KPNB1: variants seen among roughly 807,000 people sequenced by gnomAD.
KPNB1 encodes importin subunit beta-1.
KPNB1 carries 7 observed loss-of-function variants against 113.0 expected under a neutral mutation model. That is an observed-to-expected ratio of 0.06 (90% CI 0.04 to 0.12). The LOEUF (loss-of-function observed/expected upper bound fraction) is 0.12, where lower values mean the gene tolerates loss of function less well. Ranked by LOEUF, KPNB1 falls within the 10% of genes least tolerant of loss-of-function variation. The pLI, the probability that KPNB1 is intolerant of heterozygous loss-of-function variation, is 1.00. For synonymous variants in KPNB1, 363 were observed against 378.6 expected (o/e 0.96, Z 0.48); for missense variants, 400 against 1,054.8 (o/e 0.38, Z 8.60).
intron 5 of KPNB1, among the ~76,000 whole-genome samples, chr17:47,660,537 G>T (rs976986177): frequency 6.6e-6 from 1 of 152,212 alleles, no homozygotes; most frequent in Non-Finnish European, 1.5e-5. Context: ...TGACACTTCA[G>T]CTGGGTTTTT....
At chr17:47,681,658 T>C (rs1597942948) in intron 21 of KPNB1, among the ~76,000 whole-genome samples, 1 of 147,834 alleles carries the variant, frequency 6.8e-6, no homozygotes, top group Admixed American at 6.7e-5. Flanking sequence ...TCCACCCACC[T>C]CAGCCTCCTA....
rs193043163 is a variant in KPNB1, at chr17:47,672,919, A to G, written c.1548-99A>G. ...TCAAACTCAAACCAGGTCTGCAGACATACCGGTTCCTGAGTTCTTATTTTT... is the reference window on the plus strand; with the variant it reads ...TCAAACTCAAACCAGGTCTGCAGACGTACCGGTTCCTGAGTTCTTATTTTT... On this transcript the variant is annotated intron_variant, in intron 12 of 21. Coordinates refer to ENST00000290158, the MANE Select transcript of KPNB1 (RefSeq NM_002265.6). 1.7e-3 allele frequency: 1,907 copies of G among 1,122,006 alleles called. 4 individuals carry two copies. Among genetic ancestry groups the G allele is most frequent in the Middle Eastern group, 2.5e-3 (11 of 4,392 alleles). 69.5% of individuals were successfully genotyped at this position (1,122,006 alleles called of 1,614,324 possible).
At chr17:47,678,468 G>C in intron 19 of KPNB1, 55 bp downstream of exon 19, 1 of 1,225,806 alleles carries the variant, frequency 8.2e-7, no homozygotes, top group Non-Finnish European at 1.2e-6. Flanking sequence ...ACTTAGCCAA[G>C]TGGGCTATGT....
chr17:47,661,095 T>C, intron 5 of KPNB1, 24 bp from the exon 6 acceptor site: 1 of 1,591,058 alleles, frequency 6.3e-7, no homozygotes, highest in Non-Finnish European at 8.6e-7. Context: ...CTCCTAATTC[T>C]CTTTATTTTT....
At chr17:47,672,955 T>C in intron 12 of KPNB1, 63 bp from the exon 13 acceptor site, 2 of 1,498,340 alleles carry the variant, frequency 1.3e-6, no homozygotes, top group Non-Finnish European at 1.8e-6. Flanking sequence ...GGCAAGACAT[T>C]GTCTATGTTC....
intron 7 of KPNB1, among the ~76,000 whole-genome samples, chr17:47,663,444 A>T (rs1157941119): frequency 6.6e-6 from 1 of 151,680 alleles, no homozygotes; most frequent in Admixed American, 6.6e-5. Context: ...TGGGCAGATC[A>T]CCTGAGGTCA....
intron 20 of KPNB1, among the ~76,000 whole-genome samples, 165 bp from the exon 21 acceptor site, chr17:47,680,343 A>C (rs1238525505): frequency 6.6e-6 from 1 of 152,174 alleles, no homozygotes; most frequent in African/African-American, 2.4e-5. Flanking sequence ...CACCCCATTA[A>C]ACTCTGATGT....
intron 14 of KPNB1, among the ~76,000 whole-genome samples, chr17:47,674,359 C>G (rs1422294208): frequency 6.6e-6 from 1 of 152,156 alleles, no homozygotes; most frequent in Non-Finnish European, 1.5e-5. Flanking sequence ...CGGCTACCAG[C>G]AGGGATTTGT....
chr17:47,679,918 C>G (rs111483518), intron 19 of KPNB1, 102 bp from the exon 20 acceptor site: 1 of 717,638 alleles, frequency 1.4e-6, no homozygotes, highest in African/African-American at 1.7e-5. Flanking sequence ...AGGATGGTCT[C>G]GATCTTCTGA....
At chr17:47,678,559 G>C in intron 19 of KPNB1, 146 bp downstream of exon 19, 1 of 630,704 alleles carries the variant, frequency 1.6e-6, no homozygotes, top group Non-Finnish European at 2.9e-6. Flanking sequence ...CCCTAATGAA[G>C]AGAGTGGCTT....
chr17:47,666,394 T>TTGTGTG (rs140549997), intron 9 of KPNB1, among the ~76,000 whole-genome samples: 7,927 of 139,580 alleles, frequency 0.057, 251 homozygotes, highest in Middle Eastern at 0.14. Flanking sequence ...GTCTTTACTT[T>TTGTGTG]TGTGTGTGTG....
At chr17:47,678,225 T>G (rs1247973115) in intron 18 of KPNB1, 36 bp downstream of exon 18, 9 of 1,610,880 alleles carry the variant, frequency 5.6e-6, no homozygotes, top group Non-Finnish European at 7.6e-6. Flanking sequence ...TCTTTAAGTC[T>G]AGCTCTAATT....
At position 47,661,146 on chromosome 17, in the gene KPNB1, G is replaced by A. The variant is rs1567889630; in HGVS notation, c.664G>A (p.Val222Ile). Residue 222 changes from valine (V) to isoleucine (I), a missense_variant, in exon 6 of 22, where the codon GTC (valine) becomes ATC (isoleucine). Transcript: ENST00000290158. ...TGAAAGGCACTTTATTATGCAGGTG[G>A]TCTGTGAAGCCACACAGTGTCCAGA... ...ESERHFIMQVVCEATQCPDTR... is the reference protein window; with the variant it reads ...ESERHFIMQVICEATQCPDTR... The A allele has an allele frequency of 1.9e-6, 3 of 1,613,534 alleles. No individual in the cohort carries two copies. The highest frequency in any genetic ancestry group is 2.5e-6 in the Non-Finnish European group (3 of 1,179,468).
chr17:47,671,125 C>T (rs1242343291), intron 12 of KPNB1, among the ~76,000 whole-genome samples: 2 of 152,156 alleles, frequency 1.3e-5, no homozygotes, highest in East Asian at 1.9e-4. Flanking sequence ...GGCGTGCTGG[C>T]GCATGCCTGT....
intron 17 of KPNB1, among the ~76,000 whole-genome samples, chr17:47,677,687 G>T (rs2030655751): frequency 6.6e-6 from 1 of 152,174 alleles, no homozygotes; most frequent in Non-Finnish European, 1.5e-5. Flanking sequence ...ACTTATGATG[G>T]AGTTAGGTCC....
chr17:47,651,020 C>G (rs538496292), intron 2 of KPNB1, among the ~76,000 whole-genome samples: 2 of 151,744 alleles, frequency 1.3e-5, no homozygotes, highest in African/African-American at 4.9e-5. Context: ...GGTTATTCCT[C>G]TCTTGGGGTT....
At chr17:47,673,239 A>G (rs1345802763) in intron 13 of KPNB1, 74 bp downstream of exon 13, 7 of 1,397,176 alleles carry the variant, frequency 5.0e-6, no homozygotes, top group Non-Finnish European at 7.0e-6. Flanking sequence ...TGTTTTCCAG[A>G]CTGTTCTGTC....
chr17:47,669,570 G>T, intron 10 of KPNB1, 108 bp from the exon 11 acceptor site: 2 of 714,304 alleles, frequency 2.8e-6, no homozygotes, highest in Non-Finnish European at 4.8e-6. Context: ...GAAGTATCTT[G>T]GTGACTTTTT....
In KPNB1 at chr17:47,684,670, A is replaced by G. The variant is rs761766586; in HGVS notation, c.*2266A>G. The G allele has an allele frequency of 2.6e-5, 4 of 152,000 alleles. No homozygotes were observed. Among genetic ancestry groups the G allele is most frequent in the Non-Finnish European group, 5.9e-5 (4 of 67,934 alleles). 9.4% of individuals were successfully genotyped at this position (152,000 alleles called of 1,614,324 possible). A position where few individuals can be genotyped will look rare whatever the true frequency, so the allele number is the denominator to read the frequency against. On this transcript the variant is annotated 3_prime_UTR_variant, in exon 22 of 22. Coordinates refer to ENST00000290158, the MANE Select transcript of KPNB1 (RefSeq NM_002265.6). ...GTACACCGAGAACCATAATGAAAAAACCTTCCGTGTGTTTTGTCATGTTTT... is the reference window on the plus strand; with the variant it reads ...GTACACCGAGAACCATAATGAAAAAGCCTTCCGTGTGTTTTGTCATGTTTT...
Sources: gnomAD v4.1 joint callset for allele counts (sites outside exome capture counted in the v4.1 genomes callset) on GRCh38, gnomAD v4.1.1 for gene constraint, MANE v1.5 for transcripts, NCBI Gene and HGNC (gene_info 2026-07-23, HGNC 2026-07-21) for gene names.